The following PIK3R3 variants were observed in gnomAD, a reference collection of about 807,000 sequenced individuals.
PIK3R3 encodes the protein phosphatidylinositol 3-kinase regulatory subunit gamma.
PIK3R3 carries 64 observed loss-of-function variants against 62.9 expected under a neutral mutation model. That is an observed-to-expected ratio of 1.02 (90% confidence interval 0.83 to 1.25). The LOEUF (loss-of-function observed/expected upper bound fraction) is 1.25. Ranked by LOEUF, PIK3R3 falls within the 50% of genes most tolerant of loss-of-function variation. The pLI, the probability that PIK3R3 is intolerant of heterozygous loss-of-function variation, is 0.00. For synonymous variants in PIK3R3, 165 were observed against 189.0 expected, an observed-to-expected ratio of 0.87 and a Z score of 1.04; for missense variants, 614 against 561.6, an observed-to-expected ratio of 1.09 and a Z score of -0.94.
intron 3 of PIK3R3, among the ~76,000 whole-genome samples, chr1:46,076,929 T>A (rs1404906817): frequency 3.3e-5 from 5 of 152,200 alleles, no homozygotes; most frequent in African/African-American, 1.2e-4. Flanking sequence ...AAAAAAATCA[T>A]AAGGCTTTAT....
At chr1:46,120,461 T>C (rs1447197482) in intron 1 of PIK3R3, among the ~76,000 whole-genome samples, 10 of 151,998 alleles carry the variant, frequency 6.6e-5, no homozygotes, top group Non-Finnish European at 1.3e-4. Context: ...TAATCCCAGC[T>C]ACTCAGGAGG....
intron 3 of PIK3R3, among the ~76,000 whole-genome samples, chr1:46,071,759 A>AGAGAGAGAGAGCGC (rs777668187): frequency 1.0e-4 from 10 of 100,104 alleles, no homozygotes; most frequent in East Asian, 2.5e-4. Context: ...AGAGAGAGAG[A>AGAGAGAGAGAGCGC]GCGCGCGCCT....
At position 46,132,157 on chromosome 1, in the gene PIK3R3, C is replaced by G; in HGVS notation, c.-205G>C. On this transcript the variant is annotated 5_prime_UTR_variant, in exon 1 of 10. Transcript: ENST00000262741. Reference sequence around the variant, plus strand: ...CAGAACACAACAAAATGCCCCCGAACTTTCAAGCTATGGGCTTTTCTCCTC... The same window carrying G: ...CAGAACACAACAAAATGCCCCCGAAGTTTCAAGCTATGGGCTTTTCTCCTC... 7.4e-7 allele frequency: 1 copy of G among 1,348,704 alleles called. No homozygotes were observed. The highest frequency in any genetic ancestry group is 1.5e-5 in the African/African-American group (1 of 67,794). The allele number at this position is 1,348,704 out of a possible 1,614,324, so 83.5% of individuals were successfully genotyped here.
the PIK3R3 span, among the ~76,000 whole-genome samples, chr1:46,146,360 A>G: frequency 2.0e-5 from 3 of 152,168 alleles, no homozygotes; most frequent in Admixed American, 1.3e-4. Context: ...TTCCTCACCC[A>G]CTTACAGTCT....
chr1:46,162,023 C>T, the PIK3R3 span, among the ~76,000 whole-genome samples: 79 of 147,830 alleles, frequency 5.3e-4, 1 homozygote, highest in South Asian at 0.014. Flanking sequence ...ACCCGGGAGG[C>T]GGAGCTTGCA....
chr1:46,157,075 C>T, the PIK3R3 span, among the ~76,000 whole-genome samples: 1 of 152,210 alleles, frequency 6.6e-6, no homozygotes, highest in Non-Finnish European at 1.5e-5. Context: ...ATCCTCCTGA[C>T]GTTGCTGCTA....
At chr1:46,154,116 G>A in the PIK3R3 span, among the ~76,000 whole-genome samples, 7 of 152,214 alleles carry the variant, frequency 4.6e-5, no homozygotes, top group Non-Finnish European at 8.8e-5. Flanking sequence ...GGTAGTTCAG[G>A]TTAGGTAGGA....
At chr1:46,136,002 C>T (rs969204699), upstream of PIK3R3, among the ~76,000 whole-genome samples, 1 of 146,690 alleles carries the variant, frequency 6.8e-6, no homozygotes, top group Non-Finnish European at 1.5e-5. Context: ...TGCACTCCAG[C>T]CTGGACAACA....
chr1:46,109,883 A>G (rs1404209124), intron 1 of PIK3R3, among the ~76,000 whole-genome samples: 2 of 152,180 alleles, frequency 1.3e-5, no homozygotes, highest in Admixed American at 6.5e-5. Context: ...CACCACATAC[A>G]GGATAAAGTT....
At chr1:46,075,043 T>C (rs1040816740) in intron 3 of PIK3R3, among the ~76,000 whole-genome samples, 1 of 152,198 alleles carries the variant, frequency 6.6e-6, no homozygotes, top group South Asian at 2.1e-4. Flanking sequence ...ACCCTTTTCT[T>C]TCATCACTTC....
At chr1:46,105,050 G>T in intron 1 of PIK3R3, 1 of 746,248 alleles carries the variant, frequency 1.3e-6, no homozygotes, top group East Asian at 2.5e-5. Flanking sequence ...ATACAGTAAT[G>T]CTGTATTAGC....
At chr1:46,155,921 G>A in the PIK3R3 span, among the ~76,000 whole-genome samples, 1 of 152,080 alleles carries the variant, frequency 6.6e-6, no homozygotes, top group African/African-American at 2.4e-5. Context: ...GTCTGTGGAG[G>A]CCTGGCAGAT....
chr1:46,060,867 A>G lies in PIK3R3; in HGVS notation c.764+1062T>C, dbSNP rs530639798. On this transcript the variant is annotated intron_variant, in intron 6 of 9. Transcript: ENST00000262741. Reference sequence around the variant, plus strand: ...AGAAATAATTTTGCTTTTCCATTGCATATTAATTACTTGTATTTATTATCC... The same window carrying G: ...AGAAATAATTTTGCTTTTCCATTGCGTATTAATTACTTGTATTTATTATCC... 3.0e-4 allele frequency among the ~76,000 whole-genome samples: 45 copies of G among 152,364 alleles called. 1 individual carries two copies. In the South Asian group the frequency reaches 6.2e-3, roughly 21 times the overall value.
At chr1:46,166,476 G>A in the PIK3R3 span, among the ~76,000 whole-genome samples, 1 of 152,206 alleles carries the variant, frequency 6.6e-6, no homozygotes, top group East Asian at 1.9e-4. Context: ...GCCCGCCTCT[G>A]CCTCCCAAAG....
At chr1:46,127,308 C>G (rs368357819) in intron 1 of PIK3R3, among the ~76,000 whole-genome samples, 1 of 146,672 alleles carries the variant, frequency 6.8e-6, no homozygotes, top group East Asian at 2.0e-4. Flanking sequence ...TGCCACTGTA[C>G]TCTAGCCTGA....
intron 6 of PIK3R3, among the ~76,000 whole-genome samples, chr1:46,059,827 C>T (rs1044183842): frequency 7.9e-5 from 12 of 151,714 alleles, no homozygotes; most frequent in African/African-American, 2.2e-4. Context: ...AGGCTGGGCG[C>T]GGTGGCTCAT....
At chr1:46,099,913 T>C (rs1652493501) in intron 1 of PIK3R3, among the ~76,000 whole-genome samples, 2 of 152,224 alleles carry the variant, frequency 1.3e-5, no homozygotes, top group Non-Finnish European at 2.9e-5. Flanking sequence ...AAGTTTTAAT[T>C]TGCATTTCCA....
At chr1:46,171,519 G>A in the PIK3R3 span, among the ~76,000 whole-genome samples, 4 of 152,212 alleles carry the variant, frequency 2.6e-5, no homozygotes, top group African/African-American at 9.6e-5. Flanking sequence ...GGAAGTGGGG[G>A]TGTGGGTGAG....
chr1:46,166,096 C>T, the PIK3R3 span, among the ~76,000 whole-genome samples: 14 of 151,694 alleles, frequency 9.2e-5, no homozygotes, highest in African/African-American at 3.4e-4. Flanking sequence ...ATGAAGGTAC[C>T]AAGAAAAAAT....
Sources: gnomAD v4.1 joint callset for allele counts (sites outside exome capture counted in the v4.1 genomes callset) on GRCh38, gnomAD v4.1.1 for gene constraint, MANE v1.5 for transcripts, NCBI Gene and HGNC (gene_info 2026-07-23, HGNC 2026-07-21) for gene names.